Variants in PSME4 observed in about 807,000 individuals in gnomAD.
The protein encoded by PSME4 is proteasome activator subunit 4.
PSME4 carries 89 observed loss-of-function variants against 253.9 expected under a neutral mutation model. That is an observed-to-expected ratio of 0.35 (90% confidence interval 0.30 to 0.42). The LOEUF (loss-of-function observed/expected upper bound fraction) is 0.42. Ranked by LOEUF, PSME4 falls within the 10% of genes least tolerant of loss-of-function variation. PSME4 has a pLI of 1.00. For synonymous variants in PSME4, 851 were observed against 759.2 expected, an observed-to-expected ratio of 1.12 and a Z score of -1.99; for missense variants, 2,014 against 2,195.2, an observed-to-expected ratio of 0.92 and a Z score of 1.65.
Position 53,970,972 on chromosome 2 carries a change from T to G in PSME4, c.-188A>C. ...GGGCCCCACGCGGCTCTCAGTTCGT[T>G]GGCGGCGGCAGCGGCCGCTCTGCCC... is the stretch of plus-strand genomic sequence containing the variant. On this transcript the variant is annotated 5_prime_UTR_variant, in exon 1 of 47. Transcript: ENST00000404125. 2.1e-6 allele frequency: 1 copy of G among 479,188 alleles called. No homozygotes were observed. Among genetic ancestry groups the G allele is most frequent in the Non-Finnish European group, 3.5e-6 (1 of 283,078 alleles). The allele number at this position is 479,188 out of a possible 1,614,324, so 29.7% of individuals were successfully genotyped here. A position where few individuals can be genotyped will look rare whatever the true frequency, so the allele number is the denominator to read the frequency against.
chr2:53,898,054 A>C, intron 30 of PSME4, 55 bp from the exon 31 acceptor site: 3 of 1,553,518 alleles, frequency 1.9e-6, no homozygotes, highest in Non-Finnish European at 2.6e-6. Flanking sequence ...CTTGGAAAAA[A>C]AAAACTGTAT....
chr2:53,906,785 A>G (rs369239782), intron 25 of PSME4, 21 bp downstream of exon 25: 73 of 1,610,078 alleles, frequency 4.5e-5, no homozygotes, highest in African/African-American at 1.2e-4. Flanking sequence ...AAAAGTCACT[A>G]TGACTGAAAA....
chr2:53,956,729 T>A (rs1390212761), intron 1 of PSME4, among the ~76,000 whole-genome samples: 1 of 151,618 alleles, frequency 6.6e-6, no homozygotes, highest in Non-Finnish European at 1.5e-5. Context: ...CCCACCACCA[T>A]GCCTGGCTAA....
chr2:53,947,860 A>G (rs933888858), intron 3 of PSME4, among the ~76,000 whole-genome samples: 1 of 151,736 alleles, frequency 6.6e-6, no homozygotes, highest in Admixed American at 6.6e-5. Context: ...TACTAAAAAT[A>G]CAAACATTAG....
chr2:53,924,404 T>C (rs1363535426), intron 14 of PSME4, among the ~76,000 whole-genome samples: 1 of 152,168 alleles, frequency 6.6e-6, no homozygotes, highest in Non-Finnish European at 1.5e-5. Flanking sequence ...TAAAGTGTAG[T>C]CTTAAAGGCT....
chr2:53,961,744 A>G (rs1170141163), intron 1 of PSME4, among the ~76,000 whole-genome samples: 3 of 152,316 alleles, frequency 2.0e-5, no homozygotes, highest in South Asian at 2.1e-4. Flanking sequence ...CAGCACTTCA[A>G]CATAAATTTA....
At chr2:53,913,161 GTAA>G (rs1667905827) in intron 20 of PSME4, among the ~76,000 whole-genome samples, 1 of 152,188 alleles carries the variant, frequency 6.6e-6, no homozygotes, top group African/African-American at 2.4e-5. Flanking sequence ...CACCCTCTAT[GTAA>G]TAATAATAAA....
chr2:53,965,390 C>T (rs1305043868), intron 1 of PSME4, among the ~76,000 whole-genome samples: 1 of 151,830 alleles, frequency 6.6e-6, no homozygotes, highest in Non-Finnish European at 1.5e-5. Flanking sequence ...TGCCACCATA[C>T]CAGCCTAAAT....
chr2:53,890,709 G>C (rs1416623040), intron 36 of PSME4, among the ~76,000 whole-genome samples: 1 of 152,132 alleles, frequency 6.6e-6, no homozygotes, highest in East Asian at 1.9e-4. Flanking sequence ...TCAGAAAAGA[G>C]TAAATACTTT....
rs746331258 is a variant in PSME4 at position 53,887,437 on chromosome 2, T to C, written c.4551A>G (p.Val1517=). 8 of 1,613,734 alleles carry C rather than the reference T, an allele frequency of 5.0e-6. No homozygotes were observed. Among genetic ancestry groups the C allele is most frequent in the South Asian group, 2.2e-5 (2 of 91,074 alleles). Residue 1517 remains valine (V), a synonymous_variant, in exon 40 of 47, where the codon GTA becomes GTG. Transcript: ENST00000404125. ...SVLTYIFMID[V]SLPNTTPTIS... is the part of the protein sequence containing the mutation. ...TGGTTGGTGTGGTATTTGGCAAAGA[T>C]ACATCTATCATGAATATGTAGGTCA...
rs1558440010 is a variant in PSME4, at chr2:53,970,509, C to CCCCGG, written c.242+29_242+33dup. On this transcript the variant is annotated intron_variant, in intron 1 of 46. Transcript: ENST00000404125. ...CCGACACCTCTCACTGAGCCTTTCC[C>CCCCGG]CCCGGCCCGGCCCGCAGGCCCGGGC... 3 of 1,547,882 alleles carry CCCCGG rather than the reference C, an allele frequency of 1.9e-6. No homozygotes were observed. The South Asian group carries it at 3.6e-5, about 18-fold the overall frequency.
intron 3 of PSME4, 147 bp downstream of exon 3, chr2:53,948,274 A>G (rs1669818233): frequency 1.5e-6 from 1 of 649,582 alleles, no homozygotes; most frequent in Non-Finnish European, 2.8e-6. Flanking sequence ...AGGGCAATGA[A>G]TTGTTTCAGG....
At position 53,970,649 on chromosome 2, in the gene PSME4, C is replaced by A. The variant is rs1283171165; in HGVS notation, c.136G>T (p.Ala46Ser). The change falls in exon 1 of 47, where the codon GCC becomes TCC. Residue 46 changes from alanine to serine, a missense_variant. Ala to Ser is a moderately conservative substitution (Grantham distance 99, BLOSUM62 1). Transcript: ENST00000404125. ...TGGGCCAGCTGCAAGTCGGACTCGG[C>A]GTCTAGCCGCTCCGCGTAGGGCAGC... Reference protein sequence around the residue: ...KLLPYAERLDAESDLQLAQIK... With the variant: ...KLLPYAERLDSESDLQLAQIK... 4 of 1,550,024 alleles carry A rather than the reference C, an allele frequency of 2.6e-6. No individual in the cohort carries two copies. The highest frequency in any genetic ancestry group is 3.5e-6 in the Non-Finnish European group (4 of 1,146,918).
intron 1 of PSME4, among the ~76,000 whole-genome samples, chr2:53,962,105 A>G (rs576344518): frequency 1.3e-5 from 2 of 152,366 alleles, no homozygotes; most frequent in South Asian, 4.1e-4. Context: ...GCAAATATTT[A>G]GGCTAAATTG....
chr2:53,946,507 G>A (rs1474880593), intron 3 of PSME4, among the ~76,000 whole-genome samples: 2 of 152,212 alleles, frequency 1.3e-5, no homozygotes, highest in Non-Finnish European at 2.9e-5. Context: ...AGAAGACTCA[G>A]TCAAACCAGT....
chr2:53,901,341 A>G lies in PSME4; in HGVS notation c.3285+9T>C. 1 of 1,597,310 alleles carries G rather than the reference A, an allele frequency of 6.3e-7. No individual in the cohort carries two copies. Among genetic ancestry groups the G allele is most frequent in the Non-Finnish European group, 8.6e-7 (1 of 1,164,688 alleles). On this transcript the variant is annotated intron_variant, in intron 28 of 46. Transcript: ENST00000404125. ...ACTAAAACTTGAATGAAAGAATGAT[A>G]TTGCTTACTGTGAAGTCCAAGCCAA...
intron 40 of PSME4, among the ~76,000 whole-genome samples, chr2:53,886,020 A>G (rs184613405): frequency 3.5e-4 from 53 of 152,350 alleles, no homozygotes; most frequent in Non-Finnish European, 5.3e-4. Flanking sequence ...GACAACCCAC[A>G]GAATAGGAGA....
At chr2:53,870,177 T>C (rs557287974) in intron 43 of PSME4, 38 of 152,214 alleles carry the variant, frequency 2.5e-4, no homozygotes, top group African/African-American at 7.0e-4. Context: ...TAATACACAA[T>C]GATAATTTTA....
intron 46 of PSME4, chr2:53,865,787 G>T (rs925068550): frequency 3.7e-6 from 1 of 268,740 alleles, no homozygotes; most frequent in Non-Finnish European, 7.0e-6. Flanking sequence ...CACCCAGGAG[G>T]CAACCAAGAA....
Sources: gnomAD v4.1 joint callset for allele counts (sites outside exome capture counted in the v4.1 genomes callset) on GRCh38, gnomAD v4.1.1 for gene constraint, MANE v1.5 for transcripts, NCBI Gene and HGNC (gene_info 2026-07-23, HGNC 2026-07-21) for gene names.